CENPE: variants seen among roughly 807,000 people sequenced by gnomAD.
CENPE encodes centromere-associated protein E.
CENPE carries 145 observed loss-of-function variants against 336.1 expected under a neutral mutation model. The observed-to-expected ratio is 0.43, with a 90% CI of 0.38 to 0.50. The LOEUF (loss-of-function observed/expected upper bound fraction) is 0.50. Among genes scored for constraint, CENPE ranks in the 20% least tolerant of loss-of-function variants. The pLI, the probability that CENPE is intolerant of heterozygous loss-of-function variation, is 0.00. For missense variants in CENPE, 2,719 were observed against 3,023.3 expected (o/e 0.90, Z 2.36); for synonymous variants, 1,013 against 984.8 (o/e 1.03, Z -0.54).
At position 103,183,214 on chromosome 4, in the gene CENPE, C is replaced by T; in HGVS notation, c.820G>A (p.Asp274Asn). The change falls in exon 10 of 49, where the codon GAT becomes AAT. Residue 274 changes from aspartate to asparagine, a missense_variant. Physicochemically the swap from Asp to Asn is conservative, Grantham distance 23. Around this residue, in one of 5 missense-constraint regions of CENPE, gnomAD observed 117 missense variants for 215.8 expected, o/e 0.54. Transcript: ENST00000265148. ...ILGQVIKKLS[D>N]GQVGGFINYR... ...GGATAAACTTACCCAACTTGTCCAT[C>T]ACTAAGTTTCTTGATCACTTGTCCC... The T allele has an allele frequency of 6.2e-7, 1 of 1,612,536 alleles. No individual in the cohort carries two copies. Among genetic ancestry groups the T allele is most frequent in the Non-Finnish European group, 8.5e-7 (1 of 1,179,006 alleles).
rs529474883 is a variant in CENPE at position 103,163,254 on chromosome 4, A to T, written c.1725T>A (p.Asn575Lys). 3.1e-6 allele frequency: 5 copies of T among 1,604,892 alleles called. No individual in the cohort carries two copies. The South Asian group carries it at 5.6e-5, about 18-fold the overall frequency. ...GCAGCTCTACTTTTGAACTGAGTTC[A>T]TTCTAAAAGAATCAAAGGAGAGAGT... ...HAEVYNQDLE[N>K]ELSSKVELLR... Residue 575 changes from asparagine to lysine, a missense_variant and splice_region_variant, in exon 18 of 49, where the codon AAT becomes AAA. Transcript: ENST00000265148.
At chr4:103,184,684 T>C (rs1174654088) in intron 9 of CENPE, among the ~76,000 whole-genome samples, 2 of 152,186 alleles carry the variant, frequency 1.3e-5, no homozygotes, top group Non-Finnish European at 2.9e-5. Flanking sequence ...TCTATTTCAC[T>C]GGGCTGACAA....
rs1333574279 is a variant in CENPE, at chr4:103,195,169, T to C, written c.422A>G (p.Asp141Gly). The change falls in exon 5 of 49, where the codon GAT (aspartate) becomes GGT (glycine). Residue 141 changes from aspartate to glycine, a missense_variant. Physicochemically the swap from Asp to Gly is moderately conservative, Grantham distance 94 (BLOSUM62 -1). Transcript: ENST00000265148. ...CATTTTTTGAGTGCCACAGAGTAAATCTGTAATGGTTTCATTGTATATTTC... is the reference window on the plus strand; with the variant it reads ...CATTTTTTGAGTGCCACAGAGTAAACCTGTAATGGTTTCATTGTATATTTC... The part of the protein sequence containing the change: ...YMEIYNETIT[D>G]LLCGTQKMKP... The C allele has an allele frequency of 6.3e-7, 1 of 1,593,554 alleles. No individual in the cohort carries two copies. The highest frequency in any genetic ancestry group is 1.4e-5 in the African/African-American group (1 of 73,802).
intron 8 of CENPE, 47 bp downstream of exon 8, chr4:103,194,182 T>C: frequency 7.0e-7 from 1 of 1,420,696 alleles, no homozygotes; most frequent in Non-Finnish European, 9.8e-7. Context: ...TAAATTAAAT[T>C]TTGTTTTGGC....
At chr4:103,140,705 CTTA>C in intron 36 of CENPE, 106 bp downstream of exon 36, 1 of 876,336 alleles carries the variant, frequency 1.1e-6, no homozygotes, top group South Asian at 2.0e-5. Flanking sequence ...TTGGTGGACA[CTTA>C]GATTATTTCT....
At chr4:103,116,738 T>G in intron 44 of CENPE, 49 bp from the exon 45 acceptor site, 1 of 941,596 alleles carries the variant, frequency 1.1e-6, no homozygotes, top group Non-Finnish European at 1.6e-6. Flanking sequence ...GGCGCTTCAG[T>G]TTCTCCAGTT....
chr4:103,112,913 T>C (rs1749646202), intron 46 of CENPE, among the ~76,000 whole-genome samples: 1 of 32,782 alleles, frequency 3.1e-5, no homozygotes, highest in South Asian at 9.4e-4. Flanking sequence ...TACTTATAAG[T>C]ATATAAGTGT....
At position 103,176,982 on chromosome 4, in the gene CENPE, T is replaced by C. The variant is rs1332443210; in HGVS notation, c.1307A>G (p.Tyr436Cys). 8 of 1,608,062 alleles carry C rather than the reference T, an allele frequency of 5.0e-6. No individual in the cohort carries two copies. The highest frequency in any genetic ancestry group is 5.9e-6 in the Non-Finnish European group (7 of 1,177,132). Residue 436 changes from tyrosine (Y) to cysteine (C), a missense_variant, in exon 14 of 49, where the codon TAT (tyrosine) becomes TGT (cysteine). Coordinates refer to ENST00000265148, the MANE Select transcript of CENPE (RefSeq NM_001813.3). The stretch of plus-strand genomic sequence containing the variant: ...TGTTGGTATATTAAATTGATCTGCA[T>C]AGTTTGAGTTCTTCATTTTGTTAAT... Reference protein sequence around the residue: ...GKINKMKNSNYADQFNIPTNI... With the variant: ...GKINKMKNSNCADQFNIPTNI...
chr4:103,184,603 C>A (rs115125695), intron 9 of CENPE, among the ~76,000 whole-genome samples: 1,781 of 152,178 alleles, frequency 0.012, 37 homozygotes, highest in African/African-American at 0.041. Context: ...CTTTTCTTTA[C>A]AAATTTGAAG....
chr4:103,113,206 GTATA>G (rs1336290677), intron 46 of CENPE, among the ~76,000 whole-genome samples: 1 of 129,582 alleles, frequency 7.7e-6, no homozygotes, highest in African/African-American at 2.8e-5. Context: ...GTATATAAGT[GTATA>G]TATATACTTT....
At chr4:103,184,750 G>C (rs768181294) in intron 9 of CENPE, among the ~76,000 whole-genome samples, 1 of 152,084 alleles carries the variant, frequency 6.6e-6, no homozygotes, top group Non-Finnish European at 1.5e-5. Flanking sequence ...CTTATAGTAA[G>C]ATAGTAAAAT....
chr4:103,177,146 G>A, intron 13 of CENPE, 100 bp from the exon 14 acceptor site: 1 of 960,074 alleles, frequency 1.0e-6, no homozygotes, highest in Admixed American at 3.0e-5. Flanking sequence ...TGACTTGGTA[G>A]AATTCTTATT....
chr4:103,128,044 A>AGATT (rs1751277474), intron 42 of CENPE, among the ~76,000 whole-genome samples: 2 of 152,102 alleles, frequency 1.3e-5, no homozygotes, highest in African/African-American at 4.8e-5. Flanking sequence ...TCTTCAATAT[A>AGATT]AGGACACATA....
In CENPE at chr4:103,185,802, T is replaced by G. The variant is rs1756720823; in HGVS notation, c.745+8A>C. The G allele has an allele frequency of 6.2e-7, 1 of 1,600,542 alleles. No homozygotes were observed. The highest frequency in any genetic ancestry group is 8.5e-7 in the Non-Finnish European group (1 of 1,171,234). On this transcript the variant is annotated splice_region_variant and intron_variant, in intron 9 of 48. Transcript: ENST00000265148. ...TTAAGACTAACATATTTCATGAGTT[T>G]TAATTACCTGCAGCGCCTGTTTGAG...
intron 34 of CENPE, among the ~76,000 whole-genome samples, chr4:103,142,135 T>C (rs1382704979): frequency 6.6e-6 from 1 of 152,210 alleles, no homozygotes; most frequent in Non-Finnish European, 1.5e-5. Context: ...AAGTGTTGCA[T>C]AGTATTTCGA....
chr4:103,132,392 G>A (rs111842086), intron 42 of CENPE, among the ~76,000 whole-genome samples: 2 of 152,144 alleles, frequency 1.3e-5, no homozygotes, highest in African/African-American at 2.4e-5. Flanking sequence ...AAGGCTACTC[G>A]TGGAAAAGGC....
Position 103,158,462 on chromosome 4 carries a change from T to G in CENPE, c.2875-4A>C. The G allele has an allele frequency of 6.5e-7, 1 of 1,540,398 alleles. No homozygotes were observed. Among genetic ancestry groups the G allele is most frequent in the Non-Finnish European group, 8.7e-7 (1 of 1,146,306 alleles). ...ATTGTTCTTGAGTATCTATATTCTTTGTTAGAAAAATATAAAAACAATTTC... is the reference window on the plus strand; with the variant it reads ...ATTGTTCTTGAGTATCTATATTCTTGGTTAGAAAAATATAAAAACAATTTC... On this transcript the variant is annotated splice_region_variant and splice_polypyrimidine_tract_variant and intron_variant, in intron 23 of 48. Transcript: ENST00000265148.
intron 28 of CENPE, among the ~76,000 whole-genome samples, chr4:103,148,359 G>T (rs528078592): frequency 2.6e-5 from 4 of 152,254 alleles, no homozygotes; most frequent in Admixed American, 1.3e-4. Flanking sequence ...TGTATAGATT[G>T]ATTTCTCTTT....
At chr4:103,113,878 T>C (rs1409729703) in intron 46 of CENPE, among the ~76,000 whole-genome samples, 1 of 151,836 alleles carries the variant, frequency 6.6e-6, no homozygotes, top group Non-Finnish European at 1.5e-5. Context: ...TGTTCAAGCA[T>C]TCTTTCTTTT....
Sources: gnomAD v4.1 joint callset for allele counts (sites outside exome capture counted in the v4.1 genomes callset) on GRCh38, gnomAD v4.1.1 for gene constraint, gnomAD v4.1.1 regional missense constraint, MANE v1.5 for transcripts, NCBI Gene and HGNC (gene_info 2026-07-23, HGNC 2026-07-21) for gene names.